Variants in MGMT observed in about 807,000 individuals in gnomAD.
MGMT encodes the protein methylated-DNA--protein-cysteine methyltransferase.
MGMT carries 14 observed loss-of-function variants against 15.9 expected under a neutral mutation model. The ratio of observed to expected loss-of-function variants is 0.88; its 90% CI spans 0.58 to 1.37. MGMT has a LOEUF of 1.37. Ranked by LOEUF, MGMT falls within the 40% of genes most tolerant of loss-of-function variation. The probability of loss-of-function intolerance (pLI) is 0.00; values close to 1 mark genes in which losing one functional copy is unlikely to be tolerated. For synonymous variants in MGMT, 130 were observed against 118.2 expected, an observed-to-expected ratio of 1.10 and a Z score of -0.65; for missense variants, 282 against 268.1, an observed-to-expected ratio of 1.05 and a Z score of -0.36.
intron 2 of MGMT, among the ~76,000 whole-genome samples, chr10:129,539,589 CTGTGCCTCCTGGGTT>C (rs1589856849): frequency 2.0e-5 from 3 of 152,128 alleles, no homozygotes; most frequent in Admixed American, 6.6e-5. Context: ...TCACTGCAAG[CTGTGCCTCCTGGGTT>C]CACGCCATTC....
At chr10:129,683,157 T>G (rs971569158) in intron 2 of MGMT, among the ~76,000 whole-genome samples, 61 of 152,196 alleles carry the variant, frequency 4.0e-4, no homozygotes, top group Non-Finnish European at 5.0e-4. Flanking sequence ...CCCATACCCA[T>G]TTTTAAAAAG....
intron 2 of MGMT, among the ~76,000 whole-genome samples, chr10:129,660,804 A>ACG (rs1219235437): frequency 6.6e-6 from 1 of 152,118 alleles, no homozygotes; most frequent in African/African-American, 2.4e-5. Flanking sequence ...ACACACGCAC[A>ACG]CACATGCACA....
At chr10:129,698,206 A>G (rs1459180373) in intron 2 of MGMT, among the ~76,000 whole-genome samples, 3 of 152,210 alleles carry the variant, frequency 2.0e-5, no homozygotes, top group Admixed American at 2.0e-4. Context: ...ACCAGAATGC[A>G]GAGGGTACTC....
intron 2 of MGMT, among the ~76,000 whole-genome samples, chr10:129,626,119 A>G (rs1343025454): frequency 6.6e-6 from 1 of 152,118 alleles, no homozygotes; most frequent in Non-Finnish European, 1.5e-5. Context: ...TTACTTATGG[A>G]CAGGTGGACT....
chr10:129,639,260 CA>C (rs201931066), intron 2 of MGMT, among the ~76,000 whole-genome samples: 1 of 151,856 alleles, frequency 6.6e-6, no homozygotes, highest in Non-Finnish European at 1.5e-5. Flanking sequence ...GTATATTCTA[CA>C]AAAAAAGTTA....
chr10:129,520,801 GCAGAGCCCCTACGGTGCGGGTA>G lies in MGMT; in HGVS notation c.-12-15435_-12-15414del, dbSNP rs1490083451. ...CCTGCAGAGCCCCTATGGTGCGGGT[GCAGAGCCCCTACGGTGCGGGTA>G]CAGAACCCCTATGGTGCATGTACAG... On this transcript the variant is annotated intron_variant, in intron 1 of 4. Transcript: ENST00000651593. Among the ~76,000 whole-genome samples, 338 of 143,040 alleles carry G rather than the reference GCAGAGCCCCTACGGTGCGGGTA, an allele frequency of 2.4e-3. 4 individuals are homozygous for G. Among genetic ancestry groups the G allele is most frequent in the African/African-American group, 8.5e-3 (320 of 37,608 alleles). The allele number at this position is 143,040 out of a possible 152,430, so 93.8% of individuals were successfully genotyped here.
At chr10:129,760,595 G>A (rs1848861212) in intron 4 of MGMT, among the ~76,000 whole-genome samples, 1 of 152,170 alleles carries the variant, frequency 6.6e-6, no homozygotes. Flanking sequence ...TGCTCCTGCT[G>A]CCCGCTGCAG....
At chr10:129,739,762 A>C (rs1848608999) in intron 3 of MGMT, among the ~76,000 whole-genome samples, 1 of 152,186 alleles carries the variant, frequency 6.6e-6, no homozygotes, top group Non-Finnish European at 1.5e-5. Context: ...TTCTTAACAC[A>C]TTATGAGTTT....
Position 129,555,759 on chromosome 10 carries a change from G to A in MGMT, c.125+19382G>A, listed in dbSNP as rs537177385. ...AAAATAAAGATCCTGTAAGTGAAGG[G>A]TTAGAAGAGTGGAATATATGTGCTC... is the stretch of plus-strand genomic sequence containing the variant. On this transcript the variant is annotated intron_variant, in intron 2 of 4. Coordinates refer to ENST00000651593, the MANE Select transcript of MGMT (RefSeq NM_002412.5). 8.5e-5 allele frequency among the ~76,000 whole-genome samples: 13 copies of A among 152,212 alleles called. 1 individual carries two copies. The South Asian group carries it at 2.7e-3, about 32-fold the overall frequency.
intron 2 of MGMT, among the ~76,000 whole-genome samples, chr10:129,698,973 A>T (rs1330201060): frequency 6.6e-6 from 1 of 152,214 alleles, no homozygotes; most frequent in Non-Finnish European, 1.5e-5. Flanking sequence ...AAAAGAAAAC[A>T]CAAGTGCAGT....
At chr10:129,666,975 G>A (rs1847666301) in intron 2 of MGMT, among the ~76,000 whole-genome samples, 1 of 152,172 alleles carries the variant, frequency 6.6e-6, no homozygotes, top group Non-Finnish European at 1.5e-5. Flanking sequence ...TTACATAATT[G>A]AGATTCACTT....
chr10:129,765,182 C>T (rs527718839), intron 4 of MGMT, among the ~76,000 whole-genome samples: 1 of 152,208 alleles, frequency 6.6e-6, no homozygotes, highest in South Asian at 2.1e-4. Context: ...TGGCTGCCCA[C>T]CCATACACCT....
intron 3 of MGMT, among the ~76,000 whole-genome samples, chr10:129,755,492 C>T (rs1271986560): frequency 6.6e-6 from 1 of 152,228 alleles, no homozygotes; most frequent in Admixed American, 6.5e-5. Context: ...TGAGTATGCC[C>T]CTGCTAGCTG....
chr10:129,662,944 G>A (rs1847616740), intron 2 of MGMT, among the ~76,000 whole-genome samples: 2 of 152,164 alleles, frequency 1.3e-5, no homozygotes, highest in South Asian at 4.1e-4. Flanking sequence ...GAAATAAATA[G>A]CAACACGGAA....
intron 2 of MGMT, among the ~76,000 whole-genome samples, chr10:129,653,429 G>T (rs1847485612): frequency 6.6e-6 from 1 of 152,198 alleles, no homozygotes; most frequent in Non-Finnish European, 1.5e-5. Context: ...ACCATTTGAG[G>T]TGATCCTGTA....
At chr10:129,742,632 G>A (rs1261300383) in intron 3 of MGMT, among the ~76,000 whole-genome samples, 1 of 151,412 alleles carries the variant, frequency 6.6e-6, no homozygotes, top group East Asian at 1.9e-4. Flanking sequence ...TCAGAGCCAG[G>A]TCATCAGGGC....
At chr10:129,552,672 G>T (rs915161601) in intron 2 of MGMT, among the ~76,000 whole-genome samples, 39 of 152,200 alleles carry the variant, frequency 2.6e-4, no homozygotes, top group African/African-American at 9.4e-4. Flanking sequence ...AGACTGCCTT[G>T]CCCGAGTTCC....
At chr10:129,548,499 A>G (rs1482818384) in intron 2 of MGMT, among the ~76,000 whole-genome samples, 1 of 152,224 alleles carries the variant, frequency 6.6e-6, no homozygotes, top group Non-Finnish European at 1.5e-5. Context: ...CACTGCTTTT[A>G]TTAAAAAGAA....
intron 1 of MGMT, among the ~76,000 whole-genome samples, chr10:129,529,643 C>G (rs935375569): frequency 6.7e-6 from 1 of 148,524 alleles, no homozygotes; most frequent in Non-Finnish European, 1.5e-5. Flanking sequence ...TGTGTGTTTT[C>G]ATTTTATTCT....
Sources: allele counts gnomAD v4.1 joint callset (sites outside exome capture counted in the v4.1 genomes callset), GRCh38; gene constraint gnomAD v4.1.1; transcripts MANE v1.5; gene names NCBI Gene and HGNC (gene_info 2026-07-23, HGNC 2026-07-21).